HYCC1: variants seen among roughly 807,000 people sequenced by gnomAD.
The protein encoded by HYCC1 is hyccin PI4KA lipid kinase complex subunit 1.
chr7:23,002,945 A>G, the HYCC1 span, among the ~76,000 whole-genome samples: 5 of 152,088 alleles, frequency 3.3e-5, no homozygotes, highest in Admixed American at 6.6e-5. Flanking sequence ...TCTTCTCCCT[A>G]TGTCTTCACA....
chr7:22,981,362 A>G, the HYCC1 span, among the ~76,000 whole-genome samples: 1 of 152,230 alleles, frequency 6.6e-6, no homozygotes, highest in African/African-American at 2.4e-5. Flanking sequence ...ACCAGAAACA[A>G]TATCTCAAAT....
At chr7:22,899,826 C>T in the HYCC1 span, among the ~76,000 whole-genome samples, 1 of 151,670 alleles carries the variant, frequency 6.6e-6, no homozygotes, top group African/African-American at 2.4e-5. Flanking sequence ...TAGTCAATGG[C>T]CCAAATTAAT....
At chr7:23,006,917 G>T in the HYCC1 span, among the ~76,000 whole-genome samples, 1 of 152,180 alleles carries the variant, frequency 6.6e-6, no homozygotes, top group Non-Finnish European at 1.5e-5. Context: ...AAAACTCTTT[G>T]ATCTCTTGTA....
chr7:22,904,408 G>T, the HYCC1 span, among the ~76,000 whole-genome samples: 2 of 146,874 alleles, frequency 1.4e-5, no homozygotes, highest in African/African-American at 5.1e-5. Flanking sequence ...TCCAGCCTGG[G>T]CAACAGAGCG....
At chr7:22,990,556 G>A in the HYCC1 span, among the ~76,000 whole-genome samples, 1 of 152,190 alleles carries the variant, frequency 6.6e-6, no homozygotes. Context: ...CTATCCTAGA[G>A]AAAAGCTCAT....
the HYCC1 span, among the ~76,000 whole-genome samples, chr7:23,013,762 C>T: frequency 6.6e-6 from 1 of 151,908 alleles, no homozygotes. Context: ...CCACCCATGG[C>T]GCCTCGCGCG....
the HYCC1 span, among the ~76,000 whole-genome samples, chr7:22,928,881 A>G: frequency 6.6e-6 from 1 of 152,204 alleles, no homozygotes; most frequent in Non-Finnish European, 1.5e-5. Context: ...CCGCATTGCC[A>G]AGTCAATCCT....
the HYCC1 span, among the ~76,000 whole-genome samples, chr7:22,896,638 T>G: frequency 4.6e-5 from 7 of 152,160 alleles, no homozygotes; most frequent in Non-Finnish European, 1.0e-4. Context: ...CAAAAAAAAA[T>G]GTTCCATTGA....
the HYCC1 span, among the ~76,000 whole-genome samples, chr7:22,960,867 T>A: frequency 8.6e-5 from 13 of 152,010 alleles, no homozygotes; most frequent in African/African-American, 3.1e-4. Flanking sequence ...CTGACCAACA[T>A]GAATAAATCC....
the HYCC1 span, among the ~76,000 whole-genome samples, chr7:22,959,545 T>C: frequency 6.6e-6 from 1 of 152,096 alleles, no homozygotes; most frequent in African/African-American, 2.4e-5. Flanking sequence ...ATTTCCTTCT[T>C]AGACTGGTTG....
At chr7:22,973,865 A>T in the HYCC1 span, among the ~76,000 whole-genome samples, 2 of 152,346 alleles carry the variant, frequency 1.3e-5, no homozygotes, top group Non-Finnish European at 2.9e-5. Flanking sequence ...TAGGCTAAAA[A>T]TCAGTGACAC....
At chr7:22,918,317 C>G in the HYCC1 span, among the ~76,000 whole-genome samples, 1 of 152,266 alleles carries the variant, frequency 6.6e-6, no homozygotes, top group Middle Eastern at 3.4e-3. Flanking sequence ...CATCACTAAT[C>G]ATGCTGTATG....
At chr7:22,930,348 A>T in the HYCC1 span, among the ~76,000 whole-genome samples, 2 of 25,136 alleles carry the variant, frequency 8.0e-5, no homozygotes, top group Admixed American at 8.7e-4. Context: ...TATAATAATT[A>T]AAAAAAAAAA....
At chr7:22,916,249 C>T in the HYCC1 span, among the ~76,000 whole-genome samples, 2 of 152,168 alleles carry the variant, frequency 1.3e-5, no homozygotes, top group Admixed American at 1.3e-4. Flanking sequence ...AGGATCTGCG[C>T]CTTATCAACC....
chr7:22,945,711 A>T, the HYCC1 span: 1 of 1,613,838 alleles, frequency 6.2e-7, no homozygotes, highest in Non-Finnish European at 8.5e-7. Context: ...CTACAAGCGG[A>T]AAACCTATTG....
chr7:22,972,964 T>C, the HYCC1 span, among the ~76,000 whole-genome samples: 1 of 152,234 alleles, frequency 6.6e-6, no homozygotes, highest in Non-Finnish European at 1.5e-5. Context: ...CTGTAACACA[T>C]TTGTCACTGA....
the HYCC1 span, among the ~76,000 whole-genome samples, chr7:22,994,881 A>G: frequency 6.6e-6 from 1 of 152,098 alleles, no homozygotes; most frequent in Non-Finnish European, 1.5e-5. Context: ...CTCACACACT[A>G]GTCATCATAA....
chr7:22,900,190 T>C, the HYCC1 span, among the ~76,000 whole-genome samples: 1 of 152,152 alleles, frequency 6.6e-6, no homozygotes, highest in Non-Finnish European at 1.5e-5. Context: ...ATTAGTAAGA[T>C]AATTAAAGGG....
chr7:22,971,344 G>T, the HYCC1 span, among the ~76,000 whole-genome samples: 3 of 147,710 alleles, frequency 2.0e-5, no homozygotes, highest in Non-Finnish European at 3.0e-5. Flanking sequence ...TATTATTATC[G>T]GATCTCCAGA....
Sources: allele counts gnomAD v4.1 joint callset (sites outside exome capture counted in the v4.1 genomes callset), GRCh38; gene constraint gnomAD v4.1.1; transcripts MANE v1.5; gene names NCBI Gene and HGNC (gene_info 2026-07-23, HGNC 2026-07-21).